The following MAFG variants were observed in gnomAD, a reference collection of about 807,000 sequenced individuals.
The protein encoded by MAFG is transcription factor MafG.
Under a neutral mutation model 12.2 loss-of-function variants are expected in MAFG, and 3 were observed. The observed-to-expected ratio is 0.25, with a 90% CI of 0.11 to 0.64. The LOEUF (loss-of-function observed/expected upper bound fraction) is 0.64, where lower values mean the gene tolerates loss of function less well. MAFG is among the 30% of genes least tolerant of loss of function. The pLI, the probability that MAFG is intolerant of heterozygous loss-of-function variation, is 0.85. For synonymous variants in MAFG, 126 were observed against 109.1 expected (o/e 1.15, Z -0.96); for missense variants, 153 against 235.5 (o/e 0.65, Z 2.29).
In MAFG at chr17:81,921,706, T is replaced by C. The variant is rs1030127641; in HGVS notation, c.*899A>G. 6.6e-6 allele frequency: 1 copy of C among 151,994 alleles called. No individual in the cohort carries two copies. Among genetic ancestry groups the C allele is most frequent in the Non-Finnish European group, 1.5e-5 (1 of 68,020 alleles). The allele number at this position is 151,994 out of a possible 1,614,324, so 9.4% of individuals were successfully genotyped here. The stretch of plus-strand genomic sequence containing the variant: ...TTTTTTTCTTTTTTTTTCTTTTTTT[T>C]TTAACTAGCAAAGTTTCTATTATAC... On this transcript the variant is annotated 3_prime_UTR_variant, in exon 3 of 3. Coordinates refer to ENST00000357736, the MANE Select transcript of MAFG (RefSeq NM_002359.4).
chr17:81,918,772 A>AGGGGGTGGGAAGAAGGGC lies in MAFG; in HGVS notation c.*3815_*3832dup, dbSNP rs2040855604. ...AAAGGCTTCAGGGACTAGCAGATTG[A>AGGGGGTGGGAAGAAGGGC]GGGGGTGGGAAGAAGGGCAGGGCTG... On this transcript the variant is annotated 3_prime_UTR_variant, in exon 3 of 3. Coordinates refer to ENST00000357736, the MANE Select transcript of MAFG (RefSeq NM_002359.4). The AGGGGGTGGGAAGAAGGGC allele has an allele frequency of 6.6e-6, 1 of 152,210 alleles. No homozygotes were observed. Among genetic ancestry groups the AGGGGGTGGGAAGAAGGGC allele is most frequent in the African/African-American group, 2.4e-5 (1 of 41,422 alleles). The allele number at this position is 152,210 out of a possible 1,614,324, so 9.4% of individuals were successfully genotyped here. A position where few individuals can be genotyped will look rare whatever the true frequency, so the allele number is the denominator to read the frequency against.
intron 1 of MAFG, among the ~76,000 whole-genome samples, chr17:81,927,025 C>A (rs957309745): frequency 1.3e-5 from 2 of 152,198 alleles, no homozygotes; most frequent in South Asian, 2.1e-4. Context: ...CGAGCCCCAG[C>A]CAGGGGCAGG....
intron 1 of MAFG, among the ~76,000 whole-genome samples, chr17:81,925,952 T>C (rs2040936096): frequency 7.3e-6 from 1 of 137,046 alleles, no homozygotes; most frequent in African/African-American, 2.7e-5. Context: ...AGAGTGGACC[T>C]GTGTTCTGTG....
chr17:81,922,696 AGGG>A lies in MAFG; in HGVS notation c.395_397del (p.Pro132del). 2 of 1,512,592 alleles carry A rather than the reference AGGG, an allele frequency of 1.3e-6. No individual in the cohort carries two copies. Among genetic ancestry groups the A allele is most frequent in the Non-Finnish European group, 1.8e-6 (2 of 1,135,282 alleles). The allele number at this position is 1,512,592 out of a possible 1,614,324, so 93.7% of individuals were successfully genotyped here. A position where few individuals can be genotyped will look rare whatever the true frequency, so the allele number is the denominator to read the frequency against. On this transcript the variant is annotated inframe_deletion, in exon 3 of 3. Transcript: ENST00000357736. ...GACGAGGGGCCCCAGGCCGGCGGCA[AGGG>A]GGCCCCGGGCTGGCGCCACGGGGCT...
chr17:81,930,068 C>T (rs2040973869), upstream of MAFG: 3 of 152,112 alleles, frequency 2.0e-5, no homozygotes, highest in Admixed American at 1.3e-4. This position sits in a 1 kb window ranked among gnomAD's most constrained non-coding sequence, Gnocchi z 4.1. Context: ...ACCTTAAGAC[C>T]CCATCGGTTC....
intron 1 of MAFG, among the ~76,000 whole-genome samples, chr17:81,925,923 T>C (rs2040935845): frequency 1.4e-5 from 2 of 147,510 alleles, no homozygotes; most frequent in South Asian, 2.2e-4. Flanking sequence ...CTGGAATCTA[T>C]AAGCCCCGGG....
upstream of MAFG, chr17:81,928,465 C>G (rs551292443): frequency 6.6e-6 from 1 of 152,362 alleles, no homozygotes; most frequent in South Asian, 2.1e-4. The surrounding 1 kb of genome is among the most constrained non-coding windows in gnomAD (Gnocchi z 8.1). Context: ...GAGGAAGGGG[C>G]GGGGACGGGC....
chr17:81,923,853 G>C (rs577366498), intron 1 of MAFG, among the ~76,000 whole-genome samples: 2 of 152,364 alleles, frequency 1.3e-5, no homozygotes, highest in South Asian at 4.1e-4. Context: ...GACCTGGCCA[G>C]AGAGGAGGCT....
Position 81,918,313 on chromosome 17 carries a change from C to G in MAFG, c.*4292G>C. 1 of 508,134 alleles carries G rather than the reference C, an allele frequency of 2.0e-6. No homozygotes were observed. Among genetic ancestry groups the G allele is most frequent in the Non-Finnish European group, 3.3e-6 (1 of 303,378 alleles). 31.5% of individuals were successfully genotyped at this position (508,134 alleles called of 1,614,324 possible). A position where few individuals can be genotyped will look rare whatever the true frequency, so the allele number is the denominator to read the frequency against. The stretch of plus-strand genomic sequence containing the variant: ...TGATCATATACAAAATAAAGAAAAC[C>G]TTATATATCACAAACATACACTATG... On this transcript the variant is annotated 3_prime_UTR_variant, in exon 3 of 3. Coordinates refer to ENST00000357736, the MANE Select transcript of MAFG (RefSeq NM_002359.4).
In MAFG at chr17:81,926,507, AC is replaced by A. The variant is rs1462407435; in HGVS notation, c.-30+1020del. 1.3e-5 allele frequency among the ~76,000 whole-genome samples: 2 copies of A among 150,818 alleles called. No individual in the cohort carries two copies. Among genetic ancestry groups the A allele is most frequent in the East Asian group, 3.9e-4 (2 of 5,110 alleles). ...CTGTCACCCAGGGCTTGGTACACAC[AC>A]CCCTCTTTCTCCCAGGACCTCGATC... is the stretch of plus-strand genomic sequence containing the variant. On this transcript the variant is annotated intron_variant, in intron 1 of 2. Coordinates refer to ENST00000357736, the MANE Select transcript of MAFG (RefSeq NM_002359.4). The surrounding 1 kb of genome is among the most constrained non-coding windows in gnomAD (Gnocchi z 4.6).
In MAFG at chr17:81,924,020, G is replaced by A. The variant is rs1000195845; in HGVS notation, c.-29-806C>T. ...AGGAGCCTGGCCCGAGGCCCCTCTA[G>A]ACCTCCCAGTCGGCCTCCTCCACTG... On this transcript the variant is annotated intron_variant, in intron 1 of 2. Transcript: ENST00000357736. This position sits in a 1 kb window ranked among gnomAD's most constrained non-coding sequence, Gnocchi z 4.7. 6.6e-6 allele frequency: 1 copy of A among 152,324 alleles called. No homozygotes were observed. The highest frequency in any genetic ancestry group is 1.5e-5 in the Non-Finnish European group (1 of 68,102). 9.4% of individuals were successfully genotyped at this position (152,324 alleles called of 1,614,324 possible).
intron 1 of MAFG, chr17:81,923,537 G>A (rs561187541): frequency 4.2e-6 from 1 of 240,812 alleles, no homozygotes; most frequent in Non-Finnish European, 8.0e-6. Context: ...ACGCGGGAGA[G>A]GCAGGCCTAG....
Position 81,926,699 on chromosome 17 carries a change from C to A in MAFG, c.-30+829G>T, listed in dbSNP as rs1003673935. ...AGGACCAGCTGCCGGAAAAGAGCCG[C>A]CTGGGAAGGGGTGGACCGCCCGGGG... On this transcript the variant is annotated intron_variant, in intron 1 of 2. Transcript: ENST00000357736. This position sits in a 1 kb window ranked among gnomAD's most constrained non-coding sequence, Gnocchi z 4.6. 1.2e-4 allele frequency among the ~76,000 whole-genome samples: 18 copies of A among 152,306 alleles called. No homozygotes were observed. The highest frequency in any genetic ancestry group is 1.2e-3 in the Admixed American group (18 of 15,308).
At position 81,926,885 on chromosome 17, in the gene MAFG, C is replaced by T. The variant is rs1045009090; in HGVS notation, c.-30+643G>A. Among the ~76,000 whole-genome samples, 1 of 152,094 alleles carries T rather than the reference C, an allele frequency of 6.6e-6. No homozygotes were observed. The highest frequency in any genetic ancestry group is 2.4e-5 in the African/African-American group (1 of 41,424). ...ATCCCCACGGCTCCCTCCCACCTCC[C>T]GCTGGCGGCCTTTTAGTCCCCGAGG... On this transcript the variant is annotated intron_variant, in intron 1 of 2. Coordinates refer to ENST00000357736, the MANE Select transcript of MAFG (RefSeq NM_002359.4). This position sits in a 1 kb window ranked among gnomAD's most constrained non-coding sequence, Gnocchi z 4.6.
rs2040877771 is a variant in MAFG at position 81,920,355 on chromosome 17, C to A, written c.*2250G>T. The stretch of plus-strand genomic sequence containing the variant: ...GTTCCCATCCTGTGGGCACACCAGG[C>A]CAAACTATTGGATAAAAATCCCACC... On this transcript the variant is annotated 3_prime_UTR_variant, in exon 3 of 3. Coordinates refer to ENST00000357736, the MANE Select transcript of MAFG (RefSeq NM_002359.4). 6.6e-6 allele frequency: 1 copy of A among 152,238 alleles called. No individual in the cohort carries two copies. Among genetic ancestry groups the A allele is most frequent in the South Asian group, 2.1e-4 (1 of 4,832 alleles). The allele number at this position is 152,238 out of a possible 1,614,324, so 9.4% of individuals were successfully genotyped here.
upstream of MAFG, chr17:81,929,466 GTCC>G (rs1306660886): frequency 6.6e-6 from 1 of 152,312 alleles, no homozygotes; most frequent in Non-Finnish European, 1.5e-5. The surrounding 1 kb of genome is among the most constrained non-coding windows in gnomAD (Gnocchi z 5.7). Flanking sequence ...CTGTCTCCCT[GTCC>G]TCCTAGAGAG....
At chr17:81,925,532 C>T (rs1016706576) in intron 1 of MAFG, among the ~76,000 whole-genome samples, 1 of 152,160 alleles carries the variant, frequency 6.6e-6, no homozygotes, top group African/African-American at 2.4e-5. Context: ...ATAAATGGGC[C>T]GCGCGGTGGC....
intron 1 of MAFG, 76 bp downstream of exon 1, chr17:81,927,452 T>G (rs1205031960): frequency 1.4e-5 from 2 of 146,918 alleles, no homozygotes; most frequent in African/African-American, 2.5e-5. Context: ...GAGCCCTGCC[T>G]GCGCGCCCCC....
intron 1 of MAFG, among the ~76,000 whole-genome samples, chr17:81,925,519 T>A (rs2040932139): frequency 6.6e-6 from 1 of 152,182 alleles, no homozygotes; most frequent in Admixed American, 6.5e-5. Flanking sequence ...TGAGAAGATG[T>A]ACATAAATGG....
Sources: gnomAD v4.1 joint callset for allele counts (sites outside exome capture counted in the v4.1 genomes callset) on GRCh38, gnomAD v4.1.1 for gene constraint, Gnocchi (gnomAD v3.1) non-coding constraint, MANE v1.5 for transcripts, NCBI Gene and HGNC (gene_info 2026-07-23, HGNC 2026-07-21) for gene names.